SYT1: variants seen among roughly 807,000 people sequenced by gnomAD.
SYT1 encodes the protein synaptotagmin 1, also known as synaptotagmin-1.
Under a neutral mutation model 44.8 loss-of-function variants are expected in SYT1, and 8 were observed. The observed-to-expected ratio is 0.18, with a 90% CI of 0.10 to 0.32. The LOEUF (loss-of-function observed/expected upper bound fraction) is 0.32, where lower values mean the gene tolerates loss of function less well. SYT1 is among the 10% of genes least tolerant of loss of function. The pLI, the probability that SYT1 is intolerant of heterozygous loss-of-function variation, is 1.00. For synonymous variants in SYT1, 154 were observed against 188.8 expected, an observed-to-expected ratio of 0.82 and a Z score of 1.51; for missense variants, 286 against 509.3, an observed-to-expected ratio of 0.56 and a Z score of 4.22.
intron 4 of SYT1, among the ~76,000 whole-genome samples, chr12:79,246,551 G>A (rs1474040415): frequency 6.6e-6 from 1 of 152,178 alleles, no homozygotes; most frequent in African/African-American, 2.4e-5. Context: ...GTCTGGATAG[G>A]GGCCTGGTCC....
At chr12:79,389,021 T>A (rs1884551005) in intron 9 of SYT1, among the ~76,000 whole-genome samples, 1 of 152,216 alleles carries the variant, frequency 6.6e-6, no homozygotes. Flanking sequence ...TATCCCATGA[T>A]GTTTAGAAAA....
chr12:79,165,397 G>T (rs1482968127), intron 3 of SYT1, among the ~76,000 whole-genome samples: 1 of 151,932 alleles, frequency 6.6e-6, no homozygotes, highest in Non-Finnish European at 1.5e-5. Context: ...TCCCAAATCA[G>T]ATTTAGAACA....
At chr12:79,053,624 A>G (rs1014078347) in intron 3 of SYT1, among the ~76,000 whole-genome samples, 1 of 149,290 alleles carries the variant, frequency 6.7e-6, no homozygotes, top group Non-Finnish European at 1.5e-5. Context: ...TAAAATATAT[A>G]TCACCAATAA....
chr12:79,001,666 T>C (rs1174161246), intron 2 of SYT1, among the ~76,000 whole-genome samples: 1 of 152,192 alleles, frequency 6.6e-6, no homozygotes, highest in Non-Finnish European at 1.5e-5. Context: ...CACTCCATAC[T>C]ACCAATTTAT....
chr12:79,312,946 A>G (rs1880883624), intron 8 of SYT1, among the ~76,000 whole-genome samples: 1 of 152,146 alleles, frequency 6.6e-6, no homozygotes, highest in African/African-American at 2.4e-5. Context: ...ACCTCATTGC[A>G]TGTCACTCTA....
intron 1 of SYT1, among the ~76,000 whole-genome samples, chr12:78,955,082 GT>G (rs1281883921): frequency 6.6e-6 from 1 of 151,986 alleles, no homozygotes; most frequent in Non-Finnish European, 1.5e-5. Context: ...CACATTTCTG[GT>G]TTTTAAATTA....
chr12:79,282,774 A>G (rs963278850), intron 4 of SYT1, among the ~76,000 whole-genome samples: 3 of 152,162 alleles, frequency 2.0e-5, no homozygotes, highest in African/African-American at 7.2e-5. Flanking sequence ...TATTCAACCT[A>G]TAGTTTTTCC....
At chr12:79,338,811 C>A (rs1281236551) in intron 8 of SYT1, among the ~76,000 whole-genome samples, 1 of 151,880 alleles carries the variant, frequency 6.6e-6, no homozygotes, top group Non-Finnish European at 1.5e-5. Context: ...CTAATACTAT[C>A]CCTCCCCCAT....
At chr12:78,965,251 A>G (rs995976541) in intron 1 of SYT1, among the ~76,000 whole-genome samples, 10 of 152,182 alleles carry the variant, frequency 6.6e-5, no homozygotes, top group African/African-American at 2.4e-4. Flanking sequence ...GAGATGTTTT[A>G]GGCCTTTAAG....
chr12:79,171,975 C>T (rs1326442677), intron 3 of SYT1, among the ~76,000 whole-genome samples: 3 of 152,000 alleles, frequency 2.0e-5, no homozygotes, highest in Non-Finnish European at 2.9e-5. Context: ...AAAGAGATCA[C>T]TTATTTTTTA....
At chr12:79,064,311 T>C (rs530140406) in intron 3 of SYT1, among the ~76,000 whole-genome samples, 2 of 152,282 alleles carry the variant, frequency 1.3e-5, no homozygotes, top group South Asian at 4.1e-4. Context: ...AAGAGTGTAA[T>C]GATTTCACTT....
At chr12:79,102,253 CTTCTCTCTCTCTCTCT>C (rs1446762604) in intron 3 of SYT1, among the ~76,000 whole-genome samples, 2 of 148,336 alleles carry the variant, frequency 1.3e-5, no homozygotes, top group East Asian at 2.0e-4. Context: ...CCTCTCTTTC[CTTCTCTCTCTCTCTCT>C]TTCTCTCTCT....
intron 8 of SYT1, among the ~76,000 whole-genome samples, chr12:79,308,610 GAA>G (rs76042299): frequency 0.22 from 13,405 of 60,748 alleles, 793 homozygotes; most frequent in East Asian, 0.41. Flanking sequence ...AAGAAAGAAA[GAA>G]AAAGAAAGAA....
chr12:79,181,229 G>A (rs994293492), intron 3 of SYT1, among the ~76,000 whole-genome samples: 4 of 152,010 alleles, frequency 2.6e-5, no homozygotes, highest in African/African-American at 9.7e-5. Flanking sequence ...ACAATTGAAC[G>A]TGAGATTTGG....
At chr12:79,004,830 T>C (rs1353370253) in intron 2 of SYT1, among the ~76,000 whole-genome samples, 1 of 152,036 alleles carries the variant, frequency 6.6e-6, no homozygotes, top group Non-Finnish European at 1.5e-5. Flanking sequence ...CCAGGTCACA[T>C]GGTTATAAGT....
intron 1 of SYT1, among the ~76,000 whole-genome samples, chr12:78,893,234 T>C (rs1309066944): frequency 6.6e-6 from 1 of 151,838 alleles, no homozygotes; most frequent in Non-Finnish European, 1.5e-5. Context: ...CTAATAATGA[T>C]TCTTGCTTTA....
At chr12:79,245,670 G>A (rs920638680) in intron 4 of SYT1, among the ~76,000 whole-genome samples, 4 of 152,002 alleles carry the variant, frequency 2.6e-5, no homozygotes, top group African/African-American at 9.7e-5. Flanking sequence ...AGCTGTTCTG[G>A]GGAGCAACTC....
chr12:78,889,929 C>T (rs1874956199), intron 1 of SYT1, among the ~76,000 whole-genome samples: 1 of 151,850 alleles, frequency 6.6e-6, no homozygotes, highest in African/African-American at 2.4e-5. Context: ...TAACAAATCA[C>T]ATTATAGCAG....
intron 4 of SYT1, among the ~76,000 whole-genome samples, chr12:79,252,450 C>T (rs1212750494): frequency 6.6e-6 from 1 of 152,096 alleles, no homozygotes; most frequent in Non-Finnish European, 1.5e-5. Flanking sequence ...TGCTTAGGGG[C>T]ACTTGGCAGA....
Sources: gnomAD v4.1 joint callset for allele counts (sites outside exome capture counted in the v4.1 genomes callset) on GRCh38, gnomAD v4.1.1 for gene constraint, MANE v1.5 for transcripts, NCBI Gene and HGNC (gene_info 2026-07-23, HGNC 2026-07-21) for gene names.